The following RBM38 variants were observed in gnomAD, a reference collection of about 807,000 sequenced individuals.
RBM38 encodes the protein RNA binding motif protein 38.
Under a neutral mutation model 23.5 loss-of-function variants are expected in RBM38, and 11 were observed. The ratio of observed to expected loss-of-function variants is 0.47; its 90% CI spans 0.29 to 0.77. The LOEUF is 0.77. Among genes scored for constraint, RBM38 ranks in the 30% least tolerant of loss-of-function variants. RBM38 has a pLI of 0.08. For missense variants in RBM38, 330 were observed against 351.9 expected (o/e 0.94, Z 0.50); for synonymous variants, 165 against 166.1 (o/e 0.99, Z 0.05).
chr20:57,391,723 G>T lies in RBM38; in HGVS notation c.142G>T (p.Ala48Ser). ...CGGCCTGCCGTACCACACTACCGAC[G>T]CCTCGCTCAGGAAGTACTTCGAGGG... ...VGGLPYHTTDASLRKYFEGFG... is the reference protein window; with the variant it reads ...VGGLPYHTTDSSLRKYFEGFG... The change falls in exon 1 of 4, where the codon GCC (alanine) becomes TCC (serine). Residue 48 changes from alanine (A) to serine (S), a missense_variant. Coordinates refer to ENST00000356208, the MANE Select transcript of RBM38 (RefSeq NM_017495.6). 3 of 1,543,048 alleles carry T rather than the reference G, an allele frequency of 1.9e-6. No homozygotes were observed. The highest frequency in any genetic ancestry group is 2.5e-5 in the East Asian group (1 of 39,526).
intron 3 of RBM38, among the ~76,000 whole-genome samples, chr20:57,397,514 C>T (rs2067286553): frequency 6.6e-6 from 1 of 152,214 alleles, no homozygotes; most frequent in South Asian, 2.1e-4. Flanking sequence ...CCCCTACGTC[C>T]TTTGTGTGAA....
intron 3 of RBM38, among the ~76,000 whole-genome samples, chr20:57,404,114 G>A (rs2067356727): frequency 6.6e-6 from 1 of 152,214 alleles, no homozygotes. Context: ...GGCCAAGGCA[G>A]CGCTCTGGCC....
intron 3 of RBM38, among the ~76,000 whole-genome samples, chr20:57,403,698 C>T (rs1337749629): frequency 6.6e-6 from 1 of 152,120 alleles, no homozygotes; most frequent in Non-Finnish European, 1.5e-5. Flanking sequence ...CTCAGCTCAC[C>T]ACAACCTCCA....
chr20:57,401,506 C>T (rs2067327963), intron 3 of RBM38, among the ~76,000 whole-genome samples: 1 of 152,188 alleles, frequency 6.6e-6, no homozygotes, highest in Admixed American at 6.5e-5. Context: ...TCTTTTGCCT[C>T]CCAGCTACCT....
At position 57,408,144 on chromosome 20, in the gene RBM38, C is replaced by T; in HGVS notation, c.*298C>T. On this transcript the variant is annotated 3_prime_UTR_variant, in exon 4 of 4. Coordinates refer to ENST00000356208, the MANE Select transcript of RBM38 (RefSeq NM_017495.6). Reference sequence around the variant, plus strand: ...CAGCCTCTCCTTGCACCTTCTCCTGCCTCTCCACACTCCAGGTTCCCTCAG... The same window carrying T: ...CAGCCTCTCCTTGCACCTTCTCCTGTCTCTCCACACTCCAGGTTCCCTCAG... 2.1e-6 allele frequency: 1 copy of T among 480,918 alleles called. No homozygotes were observed. The highest frequency in any genetic ancestry group is 3.9e-5 in the East Asian group (1 of 25,596). The allele number at this position is 480,918 out of a possible 1,614,324, so 29.8% of individuals were successfully genotyped here.
chr20:57,403,584 A>G (rs1425503060), intron 3 of RBM38, among the ~76,000 whole-genome samples: 1 of 151,064 alleles, frequency 6.6e-6, no homozygotes, highest in Non-Finnish European at 1.5e-5. Flanking sequence ...TGAACCTCGG[A>G]TTTCCTCTCT....
chr20:57,402,515 A>G (rs1568811593), intron 3 of RBM38, among the ~76,000 whole-genome samples: 1 of 152,204 alleles, frequency 6.6e-6, no homozygotes, highest in Non-Finnish European at 1.5e-5. Context: ...AGGGCCAGGC[A>G]GACACGTGCC....
At position 57,393,332 on chromosome 20, in the gene RBM38, G is replaced by A. The variant is rs2067240634; in HGVS notation, c.415G>A (p.Gly139Arg). 3.7e-6 allele frequency: 6 copies of A among 1,613,694 alleles called. No homozygotes were observed. The highest frequency in any genetic ancestry group is 1.3e-5 in the African/African-American group (1 of 74,928). Residue 139 changes from glycine (G) to arginine (R), a missense_variant and splice_region_variant, in exon 3 of 4, where the codon GGG becomes AGG. Physicochemically the swap from Gly to Arg is moderately radical, Grantham distance 125. Coordinates refer to ENST00000356208, the MANE Select transcript of RBM38 (RefSeq NM_017495.6). The stretch of plus-strand genomic sequence containing the variant: ...CCCCACCTTGATCCAGCGGACTTAC[G>A]GGTGAGTGGACATGGCTGGCTTGGG... The part of the protein sequence containing the change: ...LHPTLIQRTY[G>R]LTPHYIYPPA...
chr20:57,401,343 T>A (rs554096902), intron 3 of RBM38, among the ~76,000 whole-genome samples: 1 of 152,332 alleles, frequency 6.6e-6, no homozygotes, highest in East Asian at 1.9e-4. Context: ...GCTGGCGGGC[T>A]GTGCCTGTCT....
chr20:57,403,559 C>T (rs987443061), intron 3 of RBM38, among the ~76,000 whole-genome samples: 4 of 152,210 alleles, frequency 2.6e-5, no homozygotes, highest in African/African-American at 4.8e-5. Context: ...TGGGGCAAGT[C>T]GCTTGGGGCC....
At chr20:57,400,640 G>A (rs1432859436) in intron 3 of RBM38, among the ~76,000 whole-genome samples, 1 of 152,178 alleles carries the variant, frequency 6.6e-6, no homozygotes, top group African/African-American at 2.4e-5. Flanking sequence ...CATGTGGGGG[G>A]TCTGTCCCAC....
At chr20:57,406,384 G>C (rs1600759433) in intron 3 of RBM38, among the ~76,000 whole-genome samples, 1 of 152,210 alleles carries the variant, frequency 6.6e-6, no homozygotes, top group Non-Finnish European at 1.5e-5. Context: ...GCCTGCCCAG[G>C]TAGGGTTAAG....
chr20:57,393,625 C>T (rs1043446793), intron 3 of RBM38, among the ~76,000 whole-genome samples: 3 of 152,200 alleles, frequency 2.0e-5, no homozygotes, highest in Non-Finnish European at 4.4e-5. Flanking sequence ...GGTCACAGCA[C>T]ATCTGAGTTC....
intron 3 of RBM38, among the ~76,000 whole-genome samples, chr20:57,395,462 G>A (rs1017224546): frequency 6.6e-6 from 1 of 152,196 alleles, no homozygotes; most frequent in Non-Finnish European, 1.5e-5. Flanking sequence ...AGGCGACGGT[G>A]TTTTGTAACT....
intron 1 of RBM38, chr20:57,392,351 G>T (rs1568804593): frequency 1.5e-6 from 2 of 1,360,982 alleles, no homozygotes; most frequent in Admixed American, 2.1e-5. Flanking sequence ...AGTCCAGGCG[G>T]CCCCCCAAGC....
rs745698732 is a variant in RBM38, at chr20:57,407,618, G to A, written c.492G>A (p.Ser164=). 13 of 1,613,538 alleles carry A rather than the reference G, an allele frequency of 8.1e-6. No individual in the cohort carries two copies. The African/African-American group carries it at 9.3e-5, about 12-fold the overall frequency. Reference sequence around the variant, plus strand: ...TGATCCCAGCCGCCCCTGTCCCGTCGCTGTCCTCGCCCTACATTGAGTACA... The same window carrying A: ...TGATCCCAGCCGCCCCTGTCCCGTCACTGTCCTCGCCCTACATTGAGTACA... ...SVVIPAAPVP[S]LSSPYIEYTP... Residue 164 remains serine (S), a synonymous_variant, in exon 4 of 4, where the codon TCG becomes TCA. Coordinates refer to ENST00000356208, the MANE Select transcript of RBM38 (RefSeq NM_017495.6). The surrounding 1 kb of genome is among the most constrained non-coding windows in gnomAD (Gnocchi z 4.0).
rs2067396175 is a variant in RBM38 at position 57,407,384 on chromosome 20, G to A, written c.417-159G>A. On this transcript the variant is annotated intron_variant, in intron 3 of 3. Transcript: ENST00000356208. This position sits in a 1 kb window ranked among gnomAD's most constrained non-coding sequence, Gnocchi z 4.0. Reference sequence around the variant, plus strand: ...AGACAGTCAGTGCGAAGGCCTTGAGGCGGCAGCATCTGGCCAGGTGCTGTT... The same window carrying A: ...AGACAGTCAGTGCGAAGGCCTTGAGACGGCAGCATCTGGCCAGGTGCTGTT... Among the ~76,000 whole-genome samples the A allele has an allele frequency of 6.6e-6, 1 of 152,148 alleles. No homozygotes were observed. Among genetic ancestry groups the A allele is most frequent in the Non-Finnish European group, 1.5e-5 (1 of 68,008 alleles).
rs75766970 is a variant in RBM38, at chr20:57,400,139, T to A, written c.416+6806T>A. 6.6e-3 allele frequency among the ~76,000 whole-genome samples: 1,000 copies of A among 152,172 alleles called. 13 individuals are homozygous for A. Among genetic ancestry groups the A allele is most frequent in the African/African-American group, 0.018 (733 of 41,514 alleles). ...CTCTGCAGCATCCTTAGTTTACAGA[T>A]GGGGAAACAGAGGCCGGAGGGGCTG... On this transcript the variant is annotated intron_variant, in intron 3 of 3. Transcript: ENST00000356208.
intron 3 of RBM38, among the ~76,000 whole-genome samples, chr20:57,395,706 C>T (rs1192834719): frequency 2.6e-5 from 4 of 152,174 alleles, no homozygotes; most frequent in South Asian, 2.1e-4. Context: ...AGGGAGGCAG[C>T]GGGGCAGGCT....
Sources: gnomAD v4.1 joint callset for allele counts (sites outside exome capture counted in the v4.1 genomes callset) on GRCh38, gnomAD v4.1.1 for gene constraint, Gnocchi (gnomAD v3.1) non-coding constraint, MANE v1.5 for transcripts, NCBI Gene and HGNC (gene_info 2026-07-23, HGNC 2026-07-21) for gene names.